The following PTK2 variants were observed in gnomAD, a reference collection of about 807,000 sequenced individuals.
The protein encoded by PTK2 is focal adhesion kinase 1.
In PTK2, 45 loss-of-function variants were observed where a neutral mutation model predicts 150.1. The observed-to-expected ratio is 0.30, with a 90% CI of 0.24 to 0.38. The LOEUF (loss-of-function observed/expected upper bound fraction) is 0.38, where lower values mean the gene tolerates loss of function less well. PTK2 is among the 10% of genes least tolerant of loss of function. The probability of loss-of-function intolerance (pLI) is 1.00; values close to 1 mark genes in which losing one functional copy is unlikely to be tolerated. For missense variants in PTK2, 919 were observed against 1,307.3 expected, an observed-to-expected ratio of 0.70 and a Z score of 4.58; for synonymous variants, 432 against 449.2, an observed-to-expected ratio of 0.96 and a Z score of 0.48.
At chr8:140,917,228 C>T (rs1340486442) in intron 2 of PTK2, among the ~76,000 whole-genome samples, 1 of 151,754 alleles carries the variant, frequency 6.6e-6, no homozygotes, top group Non-Finnish European at 1.5e-5. Flanking sequence ...CTGTCTCTAC[C>T]GAAAATACAA....
At chr8:140,927,235 A>G (rs1603284456) in intron 1 of PTK2, 1 of 152,246 alleles carries the variant, frequency 6.6e-6, no homozygotes, top group Non-Finnish European at 1.5e-5. Flanking sequence ...CCCAAAACAA[A>G]CATAGAACTT....
intron 23 of PTK2, among the ~76,000 whole-genome samples, chr8:140,713,271 T>A (rs532268203): frequency 6.6e-6 from 1 of 152,292 alleles, no homozygotes; most frequent in East Asian, 1.9e-4. Flanking sequence ...AACATCCTTT[T>A]GTTTTTTGAG....
At chr8:140,894,304 G>A (rs2100155244) in intron 2 of PTK2, among the ~76,000 whole-genome samples, 1 of 152,144 alleles carries the variant, frequency 6.6e-6, no homozygotes. Context: ...TCTGATCTAG[G>A]ACTTCCAGCC....
At chr8:140,800,871 G>T (rs941005449) in intron 11 of PTK2, among the ~76,000 whole-genome samples, 1 of 152,006 alleles carries the variant, frequency 6.6e-6, no homozygotes, top group Admixed American at 6.6e-5. Context: ...GGCCCCTCTG[G>T]CATACTCCAG....
At chr8:140,770,658 T>C (rs2100074955) in intron 14 of PTK2, 58 bp downstream of exon 15, 1 of 880,962 alleles carries the variant, frequency 1.1e-6, no homozygotes, top group South Asian at 1.7e-5. Context: ...AGGTTAGAGT[T>C]AGTTTCTCTG....
At chr8:140,774,579 G>A (rs908463388) in intron 14 of PTK2, among the ~76,000 whole-genome samples, 8 of 152,112 alleles carry the variant, frequency 5.3e-5, no homozygotes, top group African/African-American at 9.7e-5. Context: ...ATAGGGGCTC[G>A]GTAAAATAAG....
At chr8:140,862,265 T>G (rs2100136639) in intron 5 of PTK2, among the ~76,000 whole-genome samples, 1 of 152,018 alleles carries the variant, frequency 6.6e-6, no homozygotes, top group African/African-American at 2.4e-5. Flanking sequence ...GTAATACAAG[T>G]AGTGACACAG....
chr8:140,894,301 T>C (rs1055788707), intron 2 of PTK2, among the ~76,000 whole-genome samples: 8 of 152,242 alleles, frequency 5.3e-5, no homozygotes, highest in Non-Finnish European at 8.8e-5. Flanking sequence ...CACTCTGATC[T>C]AGGACTTCCA....
intron 27 of PTK2, among the ~76,000 whole-genome samples, chr8:140,679,527 G>C (rs2100015902): frequency 6.6e-6 from 1 of 152,204 alleles, no homozygotes; most frequent in South Asian, 2.1e-4. Context: ...GTATGAGTGT[G>C]TGGAGCTAGG....
intron 1 of PTK2, among the ~76,000 whole-genome samples, chr8:140,964,547 ATTTTTTT>A (rs1025644210): frequency 4.7e-4 from 36 of 76,848 alleles, no homozygotes; most frequent in Admixed American, 1.8e-3. Context: ...GCCCCAGGTA[ATTTTTTT>A]TTTTTTTTTT....
intron 8 of PTK2, among the ~76,000 whole-genome samples, chr8:140,826,251 CA>C (rs1311213365): frequency 6.6e-6 from 1 of 152,138 alleles, no homozygotes; most frequent in Non-Finnish European, 1.5e-5. Context: ...GTTTCACTGG[CA>C]ATAGCTTTGA....
intron 26 of PTK2, among the ~76,000 whole-genome samples, chr8:140,695,333 C>G (rs2100025872): frequency 6.6e-6 from 1 of 152,092 alleles, no homozygotes; most frequent in Non-Finnish European, 1.5e-5. Context: ...TGAATGACCA[C>G]TCAACTTCCT....
intron 7 of PTK2, among the ~76,000 whole-genome samples, chr8:140,837,193 G>A (rs1042989833): frequency 9.2e-5 from 14 of 152,130 alleles, no homozygotes; most frequent in African/African-American, 3.1e-4. Flanking sequence ...GTTGTTCCCT[G>A]TTGTGTGAGC....
chr8:140,815,977 C>T (rs2100104471), intron 10 of PTK2, among the ~76,000 whole-genome samples: 1 of 152,100 alleles, frequency 6.6e-6, no homozygotes. Flanking sequence ...GGAATATTGT[C>T]TACTGCCCTG....
At chr8:140,738,059 T>C (rs2100053602) in intron 21 of PTK2, among the ~76,000 whole-genome samples, 1 of 152,182 alleles carries the variant, frequency 6.6e-6, no homozygotes, top group Non-Finnish European at 1.5e-5. Context: ...TTTTTATTTA[T>C]AGGAGAAAAA....
rs6578140 is a variant in PTK2 at position 140,824,011 on chromosome 8, T to C, written c.649-4991A>G. On this transcript the variant is annotated intron_variant, in intron 8 of 31. Coordinates refer to ENST00000522684, the Ensembl canonical transcript of PTK2. ...TTTCTCAGCATCTGATGACTAAGAATCTTAAAAAGAAGTTGTGTGCTGTTC... is the reference window on the plus strand; with the variant it reads ...TTTCTCAGCATCTGATGACTAAGAACCTTAAAAAGAAGTTGTGTGCTGTTC... Among the ~76,000 whole-genome samples the C allele has an allele frequency of 1.3e-5, 2 of 151,964 alleles. 1 individual carries two copies.
chr8:140,932,762 C>CTT (rs2100172309), intron 1 of PTK2, among the ~76,000 whole-genome samples: 1 of 152,138 alleles, frequency 6.6e-6, no homozygotes, highest in Non-Finnish European at 1.5e-5. Flanking sequence ...TCCTGACTAA[C>CTT]AGCAGCAGAG....
At chr8:140,930,290 C>T (rs1013896098) in intron 1 of PTK2, among the ~76,000 whole-genome samples, 2 of 152,018 alleles carry the variant, frequency 1.3e-5, no homozygotes, top group African/African-American at 2.4e-5. Context: ...AAAACAGAAA[C>T]ATATCAAAAA....
intron 22 of PTK2, chr8:140,732,488 C>T: frequency 2.0e-6 from 1 of 508,592 alleles, no homozygotes; most frequent in East Asian, 5.8e-5. Flanking sequence ...ATGTTCTAAG[C>T]CTTGAATTCA....
Sources: allele counts gnomAD v4.1 joint callset (sites outside exome capture counted in the v4.1 genomes callset), GRCh38; gene constraint gnomAD v4.1.1; transcripts MANE v1.5; gene names NCBI Gene and HGNC (gene_info 2026-07-23, HGNC 2026-07-21).